The following DIP2A variants were observed in gnomAD, a reference collection of about 807,000 sequenced individuals.
The protein encoded by DIP2A is DIP2 acetate--CoA ligase A.
In DIP2A, 85 loss-of-function variants were observed where a neutral mutation model predicts 177.4. The ratio of observed to expected loss-of-function variants is 0.48; its 90% CI spans 0.40 to 0.57. The LOEUF (loss-of-function observed/expected upper bound fraction) is 0.57. Among genes scored for constraint, DIP2A ranks in the 20% least tolerant of loss-of-function variants. The probability of loss-of-function intolerance (pLI) is 0.00; values close to 1 mark genes in which losing one functional copy is unlikely to be tolerated. For missense variants in DIP2A, 1,791 were observed against 2,100.2 expected (o/e 0.85, Z 2.88); for synonymous variants, 886 against 881.8 (o/e 1.00, Z -0.08).
intron 1 of DIP2A, among the ~76,000 whole-genome samples, chr21:46,463,542 T>G (rs2054504809): frequency 3.9e-5 from 6 of 152,216 alleles, no homozygotes; most frequent in Admixed American, 3.9e-4. Flanking sequence ...ATTTCTTATA[T>G]TCTAACAATG....
intron 21 of DIP2A, among the ~76,000 whole-genome samples, chr21:46,548,819 C>G (rs544544726): frequency 1.1e-4 from 17 of 152,192 alleles, no homozygotes; most frequent in African/African-American, 3.4e-4. Flanking sequence ...ACAGAGGGCC[C>G]CATGGCATGT....
At position 46,537,333 on chromosome 21, in the gene DIP2A, A is replaced by G. The variant is rs895500385; in HGVS notation, c.1707+45A>G. ...GACTAACTGTTGGAACAAGGGATTG[A>G]GATGAACCCAAGCCTCTGCCTGAAA... On this transcript the variant is annotated intron_variant, in intron 14 of 37. Transcript: ENST00000417564. The surrounding 1 kb of genome is among the most constrained non-coding windows in gnomAD (Gnocchi z 4.1). 1 of 1,612,362 alleles carries G rather than the reference A, an allele frequency of 6.2e-7. No individual in the cohort carries two copies. Among genetic ancestry groups the G allele is most frequent in the East Asian group, 2.2e-5 (1 of 44,872 alleles).
At chr21:46,471,333 A>C (rs1448854244) in intron 1 of DIP2A, among the ~76,000 whole-genome samples, 2 of 152,016 alleles carry the variant, frequency 1.3e-5, no homozygotes, top group Non-Finnish European at 1.5e-5. Flanking sequence ...GCCTGGCCTT[A>C]TTTGTTTTTG....
At chr21:46,470,660 A>T (rs1247839756) in intron 1 of DIP2A, among the ~76,000 whole-genome samples, 2 of 151,976 alleles carry the variant, frequency 1.3e-5, no homozygotes, top group Non-Finnish European at 2.9e-5. Context: ...AATCCCAGCT[A>T]CTCAGGAGGC....
intron 8 of DIP2A, among the ~76,000 whole-genome samples, chr21:46,512,509 C>T (rs1005436367): frequency 2.6e-5 from 4 of 152,168 alleles, no homozygotes; most frequent in African/African-American, 9.7e-5. Flanking sequence ...GTAGCACAGG[C>T]TAATTTGCAT....
rs1168153777 is a variant in DIP2A at position 46,464,817 on chromosome 21, C to CTTTTTTTTT, written c.91+5614_91+5622dup. ...TCTTCCTTTTTCTTAATATTCATGT[C>CTTTTTTTTT]TTTTTTTTTTTTTTTTTTTTTTTTT... On this transcript the variant is annotated intron_variant, in intron 1 of 37. Coordinates refer to ENST00000417564, the MANE Select transcript of DIP2A (RefSeq NM_015151.4). Among the ~76,000 whole-genome samples the CTTTTTTTTT allele has an allele frequency of 1.9e-3, 143 of 73,418 alleles. 18 individuals carry two copies. The highest frequency in any genetic ancestry group is 6.5e-3 in the African/African-American group (107 of 16,474). 48.2% of individuals were successfully genotyped at this position (73,418 alleles called of 152,430 possible).
intron 33 of DIP2A, 57 bp downstream of exon 33, chr21:46,560,840 C>G: frequency 6.4e-7 from 1 of 1,563,852 alleles, no homozygotes. Context: ...GTGATGCAAA[C>G]CAGGTCTGCA....
intron 2 of DIP2A, among the ~76,000 whole-genome samples, chr21:46,486,070 CAAAAAAAAAA>C (rs1174271396): frequency 3.3e-5 from 2 of 60,040 alleles, no homozygotes; most frequent in African/African-American, 6.9e-5. Context: ...GACTTCATCT[CAAAAAAAAAA>C]AAAAAAAAAA....
Position 46,480,057 on chromosome 21 carries a change from AT to A in DIP2A, c.92-4685del, listed in dbSNP as rs72348715. On this transcript the variant is annotated intron_variant, in intron 1 of 37. Coordinates refer to ENST00000417564, the MANE Select transcript of DIP2A (RefSeq NM_015151.4). ...TGTCACGAGCTTGGAGACTGCCTGT[AT>A]TTTTTTTTTTTTTTGTGTGGCATCT... 7.4e-4 allele frequency among the ~76,000 whole-genome samples: 89 copies of A among 121,076 alleles called. 1 individual carries two copies. The highest frequency in any genetic ancestry group is 5.6e-3 in the East Asian group (22 of 3,906). The allele number at this position is 121,076 out of a possible 152,430, so 79.4% of individuals were successfully genotyped here.
chr21:46,534,810 A>T, intron 13 of DIP2A, 123 bp downstream of exon 13: 1 of 776,388 alleles, frequency 1.3e-6, no homozygotes, highest in Admixed American at 2.5e-5. Context: ...TTGCCCATTA[A>T]TCCGGGTCAT....
chr21:46,464,470 T>C (rs2054618880), intron 1 of DIP2A, among the ~76,000 whole-genome samples: 1 of 152,220 alleles, frequency 6.6e-6, no homozygotes, highest in African/African-American at 2.4e-5. Flanking sequence ...TATCTTAGTC[T>C]ATTTTGTGTT....
intron 15 of DIP2A, among the ~76,000 whole-genome samples, chr21:46,538,056 G>A (rs2059646706): frequency 6.6e-6 from 1 of 152,118 alleles, no homozygotes; most frequent in Non-Finnish European, 1.5e-5. Flanking sequence ...TAGGGGTGGG[G>A]GGATTGCTGG....
intron 17 of DIP2A, 108 bp from the exon 18 acceptor site, chr21:46,541,648 C>A: frequency 7.7e-7 from 1 of 1,304,442 alleles, no homozygotes; most frequent in Non-Finnish European, 1.1e-6. Context: ...AAGTCTGTAA[C>A]ATGGAGCAGT....
rs1168153777 is a variant in DIP2A, at chr21:46,464,817, C to CTT, written c.91+5621_91+5622dup. 2.2e-4 allele frequency among the ~76,000 whole-genome samples: 16 copies of CTT among 73,436 alleles called. No individual in the cohort carries two copies. In the South Asian group the frequency reaches 3.2e-3, roughly 15 times the overall value. The allele number at this position is 73,436 out of a possible 152,430, so 48.2% of individuals were successfully genotyped here. A position where few individuals can be genotyped will look rare whatever the true frequency, so the allele number is the denominator to read the frequency against. On this transcript the variant is annotated intron_variant, in intron 1 of 37. Transcript: ENST00000417564. ...TCTTCCTTTTTCTTAATATTCATGT[C>CTT]TTTTTTTTTTTTTTTTTTTTTTTTT...
At chr21:46,486,156 C>T (rs1472077126) in intron 2 of DIP2A, among the ~76,000 whole-genome samples, 2 of 150,746 alleles carry the variant, frequency 1.3e-5, no homozygotes, top group Non-Finnish European at 1.5e-5. Context: ...CTTGCAGTAA[C>T]GGACATGTTC....
At chr21:46,551,613 T>G (rs758241769) in intron 23 of DIP2A, 21 bp from the exon 24 acceptor site, 3 of 1,605,152 alleles carry the variant, frequency 1.9e-6, no homozygotes, top group Non-Finnish European at 2.6e-6. Flanking sequence ...AGCTTTTCAT[T>G]CAGAGTTCCC....
chr21:46,565,937 G>A, intron 36 of DIP2A, 50 bp downstream of exon 36: 2 of 1,602,390 alleles, frequency 1.2e-6, no homozygotes, highest in Non-Finnish European at 1.7e-6. Flanking sequence ...GGGAGGACCT[G>A]GGCTCCCCAA....
chr21:46,556,097 T>A lies in DIP2A; in HGVS notation c.3498+6T>A, dbSNP rs199549679. ...GGATATTAGCGGGAGTGAAGGTAGG[T>A]CCTCTGAAATCTTGTTTGCTTCAGC... On this transcript the variant is annotated splice_donor_region_variant and intron_variant, in intron 29 of 37. Coordinates refer to ENST00000417564, the MANE Select transcript of DIP2A (RefSeq NM_015151.4). This position sits in a 1 kb window ranked among gnomAD's most constrained non-coding sequence, Gnocchi z 4.5. 2.9e-4 allele frequency: 461 copies of A among 1,609,458 alleles called. 3 individuals carry two copies. Among genetic ancestry groups the A allele is most frequent in the Middle Eastern group, 2.3e-3 (14 of 6,054 alleles).
chr21:46,502,989 C>G (rs1041990196), intron 5 of DIP2A, among the ~76,000 whole-genome samples: 1 of 152,104 alleles, frequency 6.6e-6, no homozygotes, highest in East Asian at 1.9e-4. Flanking sequence ...TGTTCCAGAT[C>G]TAATGTCTGT....
Sources: allele counts gnomAD v4.1 joint callset (sites outside exome capture counted in the v4.1 genomes callset), GRCh38; gene constraint gnomAD v4.1.1; non-coding constraint Gnocchi (gnomAD v3.1); transcripts MANE v1.5; gene names NCBI Gene and HGNC (gene_info 2026-07-23, HGNC 2026-07-21).